The following TFDP2 variants were observed in gnomAD, a reference collection of about 807,000 sequenced individuals.
TFDP2 encodes the protein transcription factor Dp-2 (E2F dimerization partner 2).
Under a neutral mutation model 59.3 loss-of-function variants are expected in TFDP2, and 17 were observed. The observed-to-expected ratio is 0.29, with a 90% CI of 0.20 to 0.43. The LOEUF (loss-of-function observed/expected upper bound fraction) is 0.43. TFDP2 is among the 20% of genes least tolerant of loss of function. The probability of loss-of-function intolerance (pLI) is 1.00; values close to 1 mark genes in which losing one functional copy is unlikely to be tolerated. For synonymous variants in TFDP2, 180 were observed against 194.7 expected (o/e 0.92, Z 0.63); for missense variants, 391 against 528.8 (o/e 0.74, Z 2.56).
At chr3:142,086,121 A>G (rs2060804442) in intron 3 of TFDP2, among the ~76,000 whole-genome samples, 1 of 151,990 alleles carries the variant, frequency 6.6e-6, no homozygotes, top group Non-Finnish European at 1.5e-5. Context: ...CTCCACTTCT[A>G]GTTTTGTCTA....
At chr3:141,979,510 C>A (rs1161163940) in intron 6 of TFDP2, among the ~76,000 whole-genome samples, 1 of 152,172 alleles carries the variant, frequency 6.6e-6, no homozygotes, top group African/African-American at 2.4e-5. Context: ...CCCTGAAGAC[C>A]TTCCAGTAGG....
At chr3:142,117,665 G>A (rs548085989) in intron 1 of TFDP2, among the ~76,000 whole-genome samples, 1 of 152,300 alleles carries the variant, frequency 6.6e-6, no homozygotes, top group South Asian at 2.1e-4. Context: ...GGTGAAGTGT[G>A]TCTTGTGTCT....
At chr3:142,095,325 T>C (rs1289769385) in intron 2 of TFDP2, among the ~76,000 whole-genome samples, 1 of 152,226 alleles carries the variant, frequency 6.6e-6, no homozygotes, top group African/African-American at 2.4e-5. Flanking sequence ...ATTTGATAGT[T>C]TATAATATCA....
chr3:141,991,633 C>A (rs530746464), intron 6 of TFDP2, among the ~76,000 whole-genome samples: 51 of 152,270 alleles, frequency 3.3e-4, no homozygotes, highest in African/African-American at 1.2e-3. Context: ...CCTGTAGTCC[C>A]AGCTACTTGG....
At chr3:142,064,336 T>C (rs1442703735) in intron 3 of TFDP2, among the ~76,000 whole-genome samples, 2 of 152,196 alleles carry the variant, frequency 1.3e-5, no homozygotes, top group African/African-American at 4.8e-5. Context: ...CCAGACCTAC[T>C]GTATCAGAAC....
intron 3 of TFDP2, among the ~76,000 whole-genome samples, chr3:142,018,737 C>A (rs1425940689): frequency 7.2e-5 from 11 of 152,154 alleles, no homozygotes; most frequent in Non-Finnish European, 1.6e-4. Flanking sequence ...CCACTGCACC[C>A]AGGCAATGTG....
intron 3 of TFDP2, among the ~76,000 whole-genome samples, chr3:142,041,408 G>A (rs1167643552): frequency 6.6e-6 from 1 of 152,118 alleles, no homozygotes; most frequent in African/African-American, 2.4e-5. Flanking sequence ...TCATGAGGGC[G>A]GGTTTTTCCC....
chr3:141,972,604 T>C (rs946622937), intron 8 of TFDP2, among the ~76,000 whole-genome samples: 3 of 152,140 alleles, frequency 2.0e-5, no homozygotes, highest in African/African-American at 7.2e-5. Flanking sequence ...CCTTATCCAC[T>C]TGGCAGACTA....
At chr3:142,104,015 A>G (rs2061397693) in intron 1 of TFDP2, among the ~76,000 whole-genome samples, 2 of 152,064 alleles carry the variant, frequency 1.3e-5, no homozygotes, top group Non-Finnish European at 1.5e-5. Flanking sequence ...CTCCACATGC[A>G]TTAGCTATTT....
chr3:142,145,277 T>C (rs955130847), intron 1 of TFDP2, among the ~76,000 whole-genome samples: 2 of 152,192 alleles, frequency 1.3e-5, no homozygotes, highest in Non-Finnish European at 2.9e-5. Context: ...TTAGGAACTA[T>C]GGTGAGCAGG....
chr3:142,115,089 T>C (rs957268763), intron 1 of TFDP2, among the ~76,000 whole-genome samples: 1 of 152,124 alleles, frequency 6.6e-6, no homozygotes, highest in Admixed American at 6.6e-5. Context: ...CAATTCTAAC[T>C]AGCAGATGAA....
chr3:142,132,837 C>A (rs1227353217), intron 1 of TFDP2, among the ~76,000 whole-genome samples: 1 of 145,622 alleles, frequency 6.9e-6, no homozygotes. Flanking sequence ...TTAAAATACT[C>A]CCAAAAGAAA....
chr3:141,977,221 T>C (rs1001229036), intron 7 of TFDP2, among the ~76,000 whole-genome samples: 4 of 148,588 alleles, frequency 2.7e-5, no homozygotes, highest in Admixed American at 2.0e-4. Flanking sequence ...CCTCAGCCTC[T>C]GGAGTAGCTG....
At chr3:142,089,110 T>G (rs753419588) in intron 3 of TFDP2, among the ~76,000 whole-genome samples, 26 of 152,032 alleles carry the variant, frequency 1.7e-4, no homozygotes, top group Non-Finnish European at 3.4e-4. Flanking sequence ...ATTACAGGTG[T>G]GAGTCACTGC....
At chr3:141,992,041 CA>C (rs563215187) in intron 6 of TFDP2, among the ~76,000 whole-genome samples, 8,919 of 43,986 alleles carry the variant, frequency 0.2, 252 homozygotes, top group Non-Finnish European at 0.26. Flanking sequence ...GACTCCATCT[CA>C]AAAAAAAAAA....
At chr3:141,985,637 T>C (rs1942016949) in intron 6 of TFDP2, among the ~76,000 whole-genome samples, 1 of 151,816 alleles carries the variant, frequency 6.6e-6, no homozygotes, top group South Asian at 2.1e-4. Flanking sequence ...AAGACCTAAA[T>C]GTAAGAGCTA....
intron 3 of TFDP2, among the ~76,000 whole-genome samples, chr3:142,065,490 C>CTGTGTGTGTGTGTGTGTGGGTGTGTG (rs2060043298): frequency 6.7e-6 from 1 of 148,280 alleles, no homozygotes; most frequent in South Asian, 2.1e-4. Context: ...ACCATTCACT[C>CTGTGTGTGTGTGTGTGTGGGTGTGTG]TGTGTGTGTG....
intron 1 of TFDP2, among the ~76,000 whole-genome samples, chr3:142,134,471 A>C (rs2062647757): frequency 6.6e-6 from 1 of 152,180 alleles, no homozygotes; most frequent in South Asian, 2.1e-4. Context: ...AATTAATCAA[A>C]ATTGCCATTA....
intron 1 of TFDP2, among the ~76,000 whole-genome samples, chr3:142,115,127 A>G (rs577422001): frequency 6.6e-6 from 1 of 152,246 alleles, no homozygotes; most frequent in Non-Finnish European, 1.5e-5. Context: ...ACTGACATTT[A>G]TATTTGTGTT....
Sources: gnomAD v4.1 joint callset for allele counts (sites outside exome capture counted in the v4.1 genomes callset) on GRCh38, gnomAD v4.1.1 for gene constraint, MANE v1.5 for transcripts, NCBI Gene and HGNC (gene_info 2026-07-23, HGNC 2026-07-21) for gene names.